The following CDKL5 variants were observed in gnomAD, a reference collection of about 807,000 sequenced individuals.
CDKL5 encodes cyclin dependent kinase like 5.
Under a neutral mutation model 61.7 loss-of-function variants are expected in CDKL5, and 8 were observed. That is an observed-to-expected ratio of 0.13 (90% CI 0.08 to 0.23). The LOEUF is 0.23. Among genes scored for constraint, CDKL5 ranks in the 10% least tolerant of loss-of-function variants. The pLI is 1.00. For missense variants in CDKL5, 440 were observed against 734.5 expected (o/e 0.60, Z 4.63); for synonymous variants, 275 against 272.3 (o/e 1.01, Z -0.10).
chrX:18,614,099 C>T lies in CDKL5; in HGVS notation c.2276+824C>T, dbSNP rs188127248. Among the ~76,000 whole-genome samples, 486 of 111,381 alleles carry T rather than the reference C, an allele frequency of 4.4e-3. 2 individuals carry two copies. In the Middle Eastern group the frequency reaches 0.047, roughly 11 times the overall value. ...TCACTGTAAGACACTGGATTTGGAA[C>T]AAGACCAGTCTGTCAGAGAGTCCCT... is the stretch of plus-strand genomic sequence containing the variant. On this transcript the variant is annotated intron_variant, in intron 15 of 17. Transcript: ENST00000623535.
At chrX:18,509,197 G>GCACGCACACACACACA (rs1204561636) in intron 2 of CDKL5, among the ~76,000 whole-genome samples, 45 of 64,307 alleles carry the variant, frequency 7.0e-4, no homozygotes, top group Admixed American at 7.4e-4. Flanking sequence ...CTCAAAACAC[G>GCACGCACACACACACA]CACACACACA....
intron 4 of CDKL5, among the ~76,000 whole-genome samples, chrX:18,566,393 T>C (rs908892825): frequency 8.0e-5 from 9 of 112,814 alleles, no homozygotes; most frequent in Non-Finnish European, 1.5e-4. Context: ...GAGCTCAAAG[T>C]GATCCGCCTG....
In CDKL5 at chrX:18,630,970, C is replaced by T. The variant is rs1291790966; in HGVS notation, c.*2213C>T. ...ACTAGATCTCTACCTTGTATTCCCCCCTTGCAAACCAGAAACTACACTTTT... is the reference window on the plus strand; with the variant it reads ...ACTAGATCTCTACCTTGTATTCCCCTCTTGCAAACCAGAAACTACACTTTT... On this transcript the variant is annotated 3_prime_UTR_variant, in exon 18 of 18. Transcript: ENST00000623535. 1.3e-6 allele frequency: 1 copy of T among 743,097 alleles called. No individual in the cohort carries two copies. The highest frequency in any genetic ancestry group is 1.0e-4 in the Admixed American group (1 of 9,844). The allele number at this position is 743,097 out of a possible 1,213,427, so 61.2% of individuals were successfully genotyped here. A position where few individuals can be genotyped will look rare whatever the true frequency, so the allele number is the denominator to read the frequency against.
chrX:18,603,769 A>G lies in CDKL5; in HGVS notation c.978-133A>G, dbSNP rs1004331699. 1.2e-4 allele frequency: 95 copies of G among 765,849 alleles called. No homozygotes were observed. The African/African-American group carries it at 1.8e-3, about 15-fold the overall frequency. The allele number at this position is 765,849 out of a possible 1,213,427, so 63.1% of individuals were successfully genotyped here. On this transcript the variant is annotated intron_variant, in intron 11 of 17. Coordinates refer to ENST00000623535, the MANE Select transcript of CDKL5 (RefSeq NM_001323289.2). The stretch of plus-strand genomic sequence containing the variant: ...CTGTTGATAGGTTACTTGTTATTCG[A>G]AGGCACATGCTTGAGAGAATTAATG...
intron 6 of CDKL5, among the ~76,000 whole-genome samples, chrX:18,581,457 G>A (rs2147143766): frequency 8.9e-6 from 1 of 111,973 alleles, no homozygotes; most frequent in South Asian, 3.7e-4. Flanking sequence ...TGTCTTGTAT[G>A]TCTTCTCCAG....
chrX:18,546,258 CTTTTTTTTT>C (rs935420091), intron 3 of CDKL5, among the ~76,000 whole-genome samples: 19 of 90,523 alleles, frequency 2.1e-4, no homozygotes, highest in Admixed American at 8.5e-4. Context: ...TCTACTTCTT[CTTTTTTTTT>C]TTTTTTTTTT....
intron 3 of CDKL5, among the ~76,000 whole-genome samples, chrX:18,562,797 G>C (rs1052839723): frequency 8.9e-6 from 1 of 111,735 alleles, no homozygotes; most frequent in East Asian, 2.8e-4. Context: ...TTTGAGGAGA[G>C]AGGATTTTCA....
intron 1 of CDKL5, among the ~76,000 whole-genome samples, chrX:18,505,544 C>G (rs1306408242): frequency 2.7e-5 from 3 of 111,967 alleles, no homozygotes; most frequent in Non-Finnish European, 3.8e-5. Context: ...TGTTTCTTGT[C>G]TTTCATGACC....
exon 22 of CDKL5, chrX:18,653,548 C>T (rs187317325): frequency 8.3e-7 from 1 of 1,209,233 alleles, no homozygotes; most frequent in East Asian, 3.0e-5. Flanking sequence ...CAAGTGACTT[C>T]TGCAAGCCTG....
chrX:18,584,837 AC>A (rs1239211934), intron 8 of CDKL5, among the ~76,000 whole-genome samples: 1 of 112,193 alleles, frequency 8.9e-6, no homozygotes, highest in East Asian at 2.8e-4. Context: ...AAAGCATGTT[AC>A]ATGACCAACC....
chrX:18,435,992 C>T (rs1208369792), intron 1 of CDKL5, among the ~76,000 whole-genome samples: 1 of 111,079 alleles, frequency 9.0e-6, no homozygotes, highest in African/African-American at 3.3e-5. Context: ...TTTTGACCCC[C>T]CCAAAAACTT....
In CDKL5 at chrX:18,506,787, C is replaced by T. The variant is rs193001838; in HGVS notation, c.-162-148C>T. 5.3e-5 allele frequency: 11 copies of T among 208,912 alleles called. No homozygotes were observed. In the East Asian group the frequency reaches 6.8e-4, roughly 13 times the overall value. 17.2% of individuals were successfully genotyped at this position (208,912 alleles called of 1,213,427 possible). A position where few individuals can be genotyped will look rare whatever the true frequency, so the allele number is the denominator to read the frequency against. On this transcript the variant is annotated intron_variant, in intron 1 of 17. Transcript: ENST00000623535. ...TGTATTCATTCCATTTTGGGTTCTT[C>T]GCTCCTATTACTGTTGGTTTCTTCT...
At chrX:18,648,133 C>T (rs1927866700) in intron 20 of CDKL5, among the ~76,000 whole-genome samples, 1 of 111,240 alleles carries the variant, frequency 9.0e-6, no homozygotes, top group Admixed American at 9.5e-5. Context: ...ACCCGGGAGG[C>T]AGAGGTTTCA....
At chrX:18,619,496 G>A (rs1926823263) in intron 15 of CDKL5, among the ~76,000 whole-genome samples, 1 of 111,352 alleles carries the variant, frequency 9.0e-6, no homozygotes, top group African/African-American at 3.3e-5. Flanking sequence ...GAAAAATGAA[G>A]GTAGGTGTTG....
chrX:18,624,088 G>T (rs932880312), intron 16 of CDKL5: 55 of 434,672 alleles, frequency 1.3e-4, no homozygotes, highest in Middle Eastern at 1.4e-3. Context: ...TTTTCATGAG[G>T]TCATATTCTC....
At position 18,653,394 on chromosome X, in the gene CDKL5, A is replaced by C. The variant is rs756705837; in HGVS notation, c.2981-38A>C. 4.2e-6 allele frequency: 5 copies of C among 1,204,802 alleles called. No individual in the cohort carries two copies. The East Asian group carries it at 1.5e-4, about 36-fold the overall frequency. ...GAGTGCACCTGCTAGCGCTCCTGGCAGCTCTGAGTGACCCCGCTGTCCTTC... is the reference window on the plus strand; with the variant it reads ...GAGTGCACCTGCTAGCGCTCCTGGCCGCTCTGAGTGACCCCGCTGTCCTTC... On this transcript the variant is annotated intron_variant, in intron 21 of 21. Transcript: ENST00000379989.
chrX:18,498,758 T>A (rs1035922457), intron 1 of CDKL5, among the ~76,000 whole-genome samples: 2 of 112,294 alleles, frequency 1.8e-5, no homozygotes, highest in Non-Finnish European at 3.8e-5. Flanking sequence ...GAGACCATCC[T>A]TTTACTTCAG....
intron 1 of CDKL5, among the ~76,000 whole-genome samples, chrX:18,460,986 G>A (rs756434537): frequency 5.6e-4 from 63 of 112,301 alleles, no homozygotes; most frequent in Middle Eastern, 4.6e-3. Flanking sequence ...TGAACCATTC[G>A]TTCCCTTGGG....
rs1398393336 is a variant in CDKL5 at position 18,650,478 on chromosome X, C to T, written c.2866C>T (p.Arg956Cys). 5.8e-6 allele frequency: 7 copies of T among 1,211,874 alleles called. No individual in the cohort carries two copies. In the East Asian group the frequency reaches 8.9e-5, roughly 15 times the overall value. ...GTGCGTCCCAAACCGAGCCCTTCAT[C>T]GTCCAATCTCCAGTCCTGCTCCCTA... The change falls in exon 21 of 22, where the codon CGT (arginine) becomes TGT (cysteine). Residue 956 changes from arginine to cysteine, a missense_variant. By Grantham distance (180) the Arg-to-Cys change is radical. Transcript: ENST00000379989.
Sources: allele counts gnomAD v4.1 joint callset (sites outside exome capture counted in the v4.1 genomes callset), GRCh38; gene constraint gnomAD v4.1.1; transcripts MANE v1.5; gene names NCBI Gene and HGNC (gene_info 2026-07-23, HGNC 2026-07-21).